CACNA1C: variants seen among roughly 807,000 people sequenced by gnomAD.
CACNA1C encodes the protein calcium voltage-gated channel subunit alpha1 C, also known as voltage-dependent L-type calcium channel subunit alpha-1C.
Under a neutral mutation model 229.0 loss-of-function variants are expected in CACNA1C, and 30 were observed. The ratio of observed to expected loss-of-function variants is 0.13; its 90% CI spans 0.10 to 0.18. CACNA1C has a LOEUF of 0.18. Ranked by LOEUF, CACNA1C falls within the 10% of genes least tolerant of loss-of-function variation. CACNA1C has a pLI of 1.00. For synonymous variants in CACNA1C, 1,114 were observed against 1,132.5 expected (o/e 0.98, Z 0.33); for missense variants, 1,658 against 2,845.0 (o/e 0.58, Z 9.49).
At chr12:2,000,482 A>C (rs1369563980) in intron 1 of CACNA1C, among the ~76,000 whole-genome samples, 1 of 151,958 alleles carries the variant, frequency 6.6e-6, no homozygotes, top group East Asian at 1.9e-4. Flanking sequence ...AAAAAAAAAA[A>C]CCTTTAATGC....
intron 26 of CACNA1C, chr12:2,607,761 C>G (rs958447405): frequency 1.3e-5 from 2 of 152,258 alleles, no homozygotes; most frequent in African/African-American, 4.8e-5. Flanking sequence ...TGCTTTTCCC[C>G]CAATATGTAT....
In CACNA1C at chr12:2,322,394, G is replaced by C. The variant is rs185380489; in HGVS notation, c.478-126582G>C. ...CCAGCACATTGACTCTGGAGACTACGCATTGTATATTCCTGCCACCGTGGG... is the reference window on the plus strand; with the variant it reads ...CCAGCACATTGACTCTGGAGACTACCCATTGTATATTCCTGCCACCGTGGG... On this transcript the variant is annotated intron_variant, in intron 3 of 46. Coordinates refer to ENST00000399655, the MANE Select transcript of CACNA1C (RefSeq NM_000719.7). Among the ~76,000 whole-genome samples, 296 of 152,316 alleles carry C rather than the reference G, an allele frequency of 1.9e-3. 2 individuals carry two copies. The highest frequency in any genetic ancestry group is 6.9e-3 in the African/African-American group (288 of 41,566).
chr12:2,318,767 TG>T (rs572343553), intron 3 of CACNA1C, among the ~76,000 whole-genome samples: 2 of 148,150 alleles, frequency 1.3e-5, no homozygotes, highest in South Asian at 4.3e-4. Context: ...GGAGATGGCA[TG>T]GGGATGGAGG....
rs1259443473 is a variant in CACNA1C, at chr12:2,689,904, G to A, written c.6118-996G>A. Reference sequence around the variant, plus strand: ...GTCAGGAGTGCCAAAGAAAAACTAAGCAGGGCAAGGAGAGAATGAGTGGCG... The same window carrying A: ...GTCAGGAGTGCCAAAGAAAAACTAAACAGGGCAAGGAGAGAATGAGTGGCG... On this transcript the variant is annotated intron_variant, in intron 46 of 46. Transcript: ENST00000399655. This position sits in a 1 kb window ranked among gnomAD's most constrained non-coding sequence, Gnocchi z 4.2. 4 of 152,340 alleles carry A rather than the reference G, an allele frequency of 2.6e-5. No individual in the cohort carries two copies. The highest frequency in any genetic ancestry group is 4.8e-5 in the African/African-American group (2 of 41,424). 9.4% of individuals were successfully genotyped at this position (152,340 alleles called of 1,614,324 possible).
intron 1 of CACNA1C, among the ~76,000 whole-genome samples, chr12:1,983,641 G>A (rs993480729): frequency 1.3e-5 from 2 of 151,896 alleles, no homozygotes; most frequent in Non-Finnish European, 2.9e-5. Context: ...TATGACCTAC[G>A]ATAAGGTTTA....
At chr12:2,644,943 G>T (rs996427044) in intron 30 of CACNA1C, among the ~76,000 whole-genome samples, 5 of 152,148 alleles carry the variant, frequency 3.3e-5, no homozygotes, top group African/African-American at 1.2e-4. Context: ...CTGTTATCTG[G>T]AACCACTAAC....
intron 3 of CACNA1C, among the ~76,000 whole-genome samples, chr12:2,237,347 G>A (rs896559356): frequency 1.1e-4 from 16 of 152,224 alleles, no homozygotes; most frequent in African/African-American, 3.4e-4. Context: ...TGACATCAGC[G>A]AAGATGCATT....
intron 39 of CACNA1C, 29 bp downstream of exon 39, chr12:2,674,671 G>T: frequency 6.5e-7 from 1 of 1,535,402 alleles, no homozygotes; most frequent in Non-Finnish European, 8.8e-7. Context: ...CCCGCACCTT[G>T]GCCACTGCCT....
intron 1 of CACNA1C, among the ~76,000 whole-genome samples, chr12:1,987,091 C>T (rs568615806): frequency 7.9e-5 from 12 of 152,200 alleles, no homozygotes; most frequent in African/African-American, 2.4e-4. Context: ...ACTATTACCA[C>T]GCATGCTTAA....
At chr12:2,009,315 A>G (rs2043997867) in intron 1 of CACNA1C, among the ~76,000 whole-genome samples, 1 of 152,242 alleles carries the variant, frequency 6.6e-6, no homozygotes, top group Admixed American at 6.5e-5. Flanking sequence ...TCAGCATCTA[A>G]TCAATTAAGG....
Position 2,181,159 on chromosome 12 carries a change from C to T in CACNA1C, c.477+60729C>T, listed in dbSNP as rs1434197831. On this transcript the variant is annotated intron_variant, in intron 3 of 46. Coordinates refer to ENST00000399655, the MANE Select transcript of CACNA1C (RefSeq NM_000719.7). This position sits in a 1 kb window ranked among gnomAD's most constrained non-coding sequence, Gnocchi z 4.0. ...CATAGTGCCTGTGGACAGGAGAGCC[C>T]AGTCCGTGACGGCGGTAACAATGAT... Among the ~76,000 whole-genome samples the T allele has an allele frequency of 6.6e-6, 1 of 152,134 alleles. No homozygotes were observed. Among genetic ancestry groups the T allele is most frequent in the African/African-American group, 2.4e-5 (1 of 41,438 alleles).
intron 19 of CACNA1C, among the ~76,000 whole-genome samples, chr12:2,593,609 A>ACTT (rs1814579477): frequency 6.6e-6 from 1 of 152,226 alleles, no homozygotes; most frequent in Non-Finnish European, 1.5e-5. Context: ...ATTCTATTTA[A>ACTT]CTTAACAAAA....
intron 1 of CACNA1C, among the ~76,000 whole-genome samples, chr12:2,007,103 T>G (rs1265507942): frequency 6.6e-6 from 1 of 152,240 alleles, no homozygotes; most frequent in Non-Finnish European, 1.5e-5. Context: ...AATGGAGAAT[T>G]TTGTGATTAA....
At chr12:2,436,587 C>T (rs551578525) in intron 3 of CACNA1C, among the ~76,000 whole-genome samples, 11 of 152,304 alleles carry the variant, frequency 7.2e-5, no homozygotes, top group African/African-American at 2.6e-4. Flanking sequence ...TGGGAGCTAA[C>T]AGGGAGGCAG....
chr12:2,225,521 T>C (rs934596661), intron 3 of CACNA1C, among the ~76,000 whole-genome samples: 2 of 152,216 alleles, frequency 1.3e-5, no homozygotes, highest in African/African-American at 4.8e-5. Flanking sequence ...CCTGGTTTTA[T>C]GTAAATGAAA....
At chr12:2,637,666 G>A (rs2092982149) in intron 30 of CACNA1C, among the ~76,000 whole-genome samples, 1 of 152,262 alleles carries the variant, frequency 6.6e-6, no homozygotes. Flanking sequence ...CAGCGTATGG[G>A]CGGCCCCAGC....
At chr12:2,606,958 G>T (rs1178310509) in intron 25 of CACNA1C, 26 bp from the exon 26 acceptor site, 1 of 1,611,308 alleles carries the variant, frequency 6.2e-7, no homozygotes, top group African/African-American at 1.3e-5. Context: ...AGATCCCAGA[G>T]TAAACTCCTT....
intron 3 of CACNA1C, among the ~76,000 whole-genome samples, chr12:2,128,234 C>G (rs1047031846): frequency 2.0e-5 from 3 of 152,162 alleles, no homozygotes; most frequent in African/African-American, 7.2e-5. Flanking sequence ...GTTCTTTGCT[C>G]TGTTCCCTGG....
At chr12:2,028,519 A>G (rs1022936380) in intron 1 of CACNA1C, among the ~76,000 whole-genome samples, 1 of 152,160 alleles carries the variant, frequency 6.6e-6, no homozygotes, top group Admixed American at 6.5e-5. Context: ...TATCCTATTT[A>G]CTATTGAATT....
Sources: allele counts gnomAD v4.1 joint callset (sites outside exome capture counted in the v4.1 genomes callset), GRCh38; gene constraint gnomAD v4.1.1; non-coding constraint Gnocchi (gnomAD v3.1); transcripts MANE v1.5; gene names NCBI Gene and HGNC (gene_info 2026-07-23, HGNC 2026-07-21).